Variants in CHCHD2 observed in about 807,000 individuals in gnomAD.
The protein encoded by CHCHD2 is coiled-coil-helix-coiled-coil-helix domain-containing protein 2.
Under a neutral mutation model 17.5 loss-of-function variants are expected in CHCHD2, and 17 were observed. The ratio of observed to expected loss-of-function variants is 0.97; its 90% CI spans 0.67 to 1.46. The LOEUF is 1.46. CHCHD2 is among the 40% of genes most tolerant of loss of function. The pLI is 0.00. For missense variants in CHCHD2, 175 were observed against 199.9 expected (o/e 0.88, Z 0.75); for synonymous variants, 63 against 74.3 (o/e 0.85, Z 0.78).
At position 56,103,151 on chromosome 7, in the gene CHCHD2, T is replaced by C. The variant is rs1785319599; in HGVS notation, c.301-140A>G. The stretch of plus-strand genomic sequence containing the variant: ...TAATTAAAGTTTCCAACTATTAACA[T>C]GGGAAGTGAAAACATTTAAATCTTC... On this transcript the variant is annotated intron_variant, in intron 2 of 3. Coordinates refer to ENST00000395422, the MANE Select transcript of CHCHD2 (RefSeq NM_016139.4). 14 of 798,454 alleles carry C rather than the reference T, an allele frequency of 1.8e-5. No individual in the cohort carries two copies. The South Asian group carries it at 1.9e-4, about 11-fold the overall frequency. The allele number at this position is 798,454 out of a possible 1,614,324, so 49.5% of individuals were successfully genotyped here.
At chr7:56,104,674 C>G (rs1246307706) in intron 1 of CHCHD2, among the ~76,000 whole-genome samples, 199 bp from the exon 2 acceptor site, 3 of 151,706 alleles carry the variant, frequency 2.0e-5, no homozygotes, top group African/African-American at 7.3e-5. Context: ...ATGGTGCAAT[C>G]TCAGCTCACT....
rs1246746020 is a variant in CHCHD2, at chr7:56,102,862, C to T, written c.445+5G>A. On this transcript the variant is annotated splice_donor_5th_base_variant and intron_variant, in intron 3 of 3. Coordinates refer to ENST00000395422, the MANE Select transcript of CHCHD2 (RefSeq NM_016139.4). The stretch of plus-strand genomic sequence containing the variant: ...AAGCAGATGTAAATTGGACAAATTA[C>T]CTACCGTTTGCAAGTCGGCACTGTT... 3 of 1,613,896 alleles carry T rather than the reference C, an allele frequency of 1.9e-6. No individual in the cohort carries two copies. The highest frequency in any genetic ancestry group is 2.5e-6 in the Non-Finnish European group (3 of 1,179,806).
Position 56,102,290 on chromosome 7 carries a change from T to C in CHCHD2, c.446-429A>G, listed in dbSNP as rs1038562724. Among the ~76,000 whole-genome samples the C allele has an allele frequency of 3.9e-5, 6 of 152,244 alleles. No individual in the cohort carries two copies. In the East Asian group the frequency reaches 7.7e-4, roughly 20 times the overall value. ...AATCTTATATTCGCAGCCTTAAGGT[T>C]AGAAGGTCACTTACATCCAGTAATC... is the stretch of plus-strand genomic sequence containing the variant. On this transcript the variant is annotated intron_variant, in intron 3 of 3. Transcript: ENST00000395422.
intron 3 of CHCHD2, among the ~76,000 whole-genome samples, 175 bp from the exon 4 acceptor site, chr7:56,102,036 CG>C (rs1326078254): frequency 1.3e-5 from 2 of 151,468 alleles, no homozygotes; most frequent in Admixed American, 1.3e-4. Flanking sequence ...AGGCTGGTCT[CG>C]AACTCCTGGA....
chr7:56,103,435 C>G (rs186086867), intron 2 of CHCHD2, among the ~76,000 whole-genome samples: 51 of 152,170 alleles, frequency 3.4e-4, no homozygotes, highest in Non-Finnish European at 2.5e-4. Context: ...CAGAGCGAGA[C>G]TCCACCTCCA....
intron 3 of CHCHD2, 146 bp downstream of exon 3, chr7:56,102,721 A>G: frequency 1.2e-6 from 1 of 814,568 alleles, no homozygotes. Flanking sequence ...ATGACTAGAA[A>G]CCTCCGGCCC....
At chr7:56,105,793 TA>T (rs530290848) in intron 1 of CHCHD2, among the ~76,000 whole-genome samples, 179 of 152,240 alleles carry the variant, frequency 1.2e-3, no homozygotes, top group African/African-American at 4.1e-3. Flanking sequence ...AAAATATAAA[TA>T]AATAAACATT....
chr7:56,104,120 G>A, intron 2 of CHCHD2, 106 bp downstream of exon 2: 1 of 1,454,920 alleles, frequency 6.9e-7, no homozygotes, highest in East Asian at 2.3e-5. Flanking sequence ...TAACAGCACA[G>A]TGGGTTCTAA....
rs779704027 is a variant in CHCHD2 at position 56,104,237 on chromosome 7, T to C, written c.289A>G (p.Ile97Val). 7 of 1,613,184 alleles carry C rather than the reference T, an allele frequency of 4.3e-6. No homozygotes were observed. Among genetic ancestry groups the C allele is most frequent in the South Asian group, 1.1e-5 (1 of 91,070 alleles). Reference sequence around the variant, plus strand: ...GCCTAAATTCCCACCTGGTAAGTGATGTCAGGCCTCGCAGGCTCAGCATTA... The same window carrying C: ...GCCTAAATTCCCACCTGGTAAGTGACGTCAGGCCTCGCAGGCTCAGCATTA... ...GSNAEPARPD[I>V]TYQEPQGTQP... The change falls in exon 2 of 4, where the codon ATC becomes GTC. Residue 97 changes from isoleucine (I) to valine (V), a missense_variant. Transcript: ENST00000395422.
At position 56,104,220 on chromosome 7, in the gene CHCHD2, T is replaced by C; in HGVS notation, c.300+6A>G. 6.2e-7 allele frequency: 1 copy of C among 1,611,706 alleles called. No individual in the cohort carries two copies. Among genetic ancestry groups the C allele is most frequent in the Middle Eastern group, 1.7e-4 (1 of 6,052 alleles). ...CATGGAAGGGAAATGCTGCCTAAATTCCCACCTGGTAAGTGATGTCAGGCC... is the reference window on the plus strand; with the variant it reads ...CATGGAAGGGAAATGCTGCCTAAATCCCCACCTGGTAAGTGATGTCAGGCC... On this transcript the variant is annotated splice_donor_region_variant and intron_variant, in intron 2 of 3. Transcript: ENST00000395422.
At chr7:56,103,039 T>C (rs1054209700) in intron 2 of CHCHD2, 28 bp from the exon 3 acceptor site, 13 of 1,613,558 alleles carry the variant, frequency 8.1e-6, no homozygotes, top group East Asian at 2.2e-5. Context: ...TCAACATTGC[T>C]GAGAAAGAAA....
chr7:56,103,794 T>C (rs1388975830), intron 2 of CHCHD2, among the ~76,000 whole-genome samples: 1 of 152,124 alleles, frequency 6.6e-6, no homozygotes, highest in Non-Finnish European at 1.5e-5. Context: ...ACACCGGAAA[T>C]ACAAGAGTAT....
intron 2 of CHCHD2, among the ~76,000 whole-genome samples, chr7:56,103,789 G>A (rs529058390): frequency 1.4e-4 from 21 of 152,272 alleles, no homozygotes; most frequent in Non-Finnish European, 2.2e-4. Context: ...CAAGCACACC[G>A]GAAATACAAG....
rs945965550 is a variant in CHCHD2, at chr7:56,101,753, T to C, written c.*98A>G. ...GGAATGACAGGAGAGGTTTAACTGATGGTTACACTTTATACCCTCACTATC... is the reference window on the plus strand; with the variant it reads ...GGAATGACAGGAGAGGTTTAACTGACGGTTACACTTTATACCCTCACTATC... On this transcript the variant is annotated 3_prime_UTR_variant, in exon 4 of 4. Coordinates refer to ENST00000395422, the MANE Select transcript of CHCHD2 (RefSeq NM_016139.4). 4 of 1,139,062 alleles carry C rather than the reference T, an allele frequency of 3.5e-6. No homozygotes were observed. The African/African-American group carries it at 6.2e-5, about 18-fold the overall frequency. The allele number at this position is 1,139,062 out of a possible 1,614,324, so 70.6% of individuals were successfully genotyped here.
At chr7:56,101,941 C>G in intron 3 of CHCHD2, 80 bp from the exon 4 acceptor site, 1 of 1,412,512 alleles carries the variant, frequency 7.1e-7, no homozygotes, top group Non-Finnish European at 9.8e-7. Flanking sequence ...ATTATGAAAG[C>G]AGCGACAAAA....
In CHCHD2 at chr7:56,106,348, C is replaced by T; in HGVS notation, c.50+16G>A. On this transcript the variant is annotated intron_variant, in intron 1 of 3. Transcript: ENST00000395422. ...GGACGGCCGCGCTTTGGTCTCAAAC[C>T]CTGCGATGGTCTCACCTGGCCGGAG... The T allele has an allele frequency of 6.2e-7, 1 of 1,612,538 alleles. No individual in the cohort carries two copies. The highest frequency in any genetic ancestry group is 1.1e-5 in the South Asian group (1 of 90,922).
intron 1 of CHCHD2, among the ~76,000 whole-genome samples, 195 bp downstream of exon 1, chr7:56,106,169 G>A (rs1358374986): frequency 6.6e-6 from 1 of 152,130 alleles, no homozygotes; most frequent in South Asian, 2.1e-4. Context: ...TGGATAGGAA[G>A]CTTTTTCCGT....
intron 3 of CHCHD2, among the ~76,000 whole-genome samples, chr7:56,102,085 G>A (rs185784001): frequency 6.6e-6 from 1 of 151,922 alleles, no homozygotes; most frequent in East Asian, 1.9e-4. Flanking sequence ...CCAGAGTGCT[G>A]GGTTCCAGGA....
At chr7:56,106,228 C>G (rs562968641) in intron 1 of CHCHD2, 136 bp downstream of exon 1, 7 of 717,726 alleles carry the variant, frequency 9.8e-6, no homozygotes, top group Non-Finnish European at 1.6e-5. Flanking sequence ...TACGTTCAAT[C>G]TACCCCCGCC....
Sources: gnomAD v4.1 joint callset for allele counts (sites outside exome capture counted in the v4.1 genomes callset) on GRCh38, gnomAD v4.1.1 for gene constraint, MANE v1.5 for transcripts, NCBI Gene and HGNC (gene_info 2026-07-23, HGNC 2026-07-21) for gene names.